Variants in CACHD1 observed in about 807,000 individuals in gnomAD.
The protein encoded by CACHD1 is VWFA and cache domain-containing protein 1.
In CACHD1, 71 loss-of-function variants were observed where a neutral mutation model predicts 138.7. That is an observed-to-expected ratio of 0.51 (90% confidence interval 0.42 to 0.62). The LOEUF (loss-of-function observed/expected upper bound fraction) is 0.62. Among genes scored for constraint, CACHD1 ranks in the 20% least tolerant of loss-of-function variants. CACHD1 has a pLI of 0.00. For synonymous variants in CACHD1, 578 were observed against 591.5 expected, an observed-to-expected ratio of 0.98 and a Z score of 0.33; for missense variants, 1,389 against 1,625.3, an observed-to-expected ratio of 0.85 and a Z score of 2.50.
chr1:64,606,824 T>C (rs1570411502), intron 4 of CACHD1, among the ~76,000 whole-genome samples: 1 of 152,092 alleles, frequency 6.6e-6, no homozygotes. Flanking sequence ...GTGGGCAGGG[T>C]AGGGGACCAG....
chr1:64,678,354 A>G lies in CACHD1; in HGVS notation c.3244+44A>G, dbSNP rs370873725. On this transcript the variant is annotated intron_variant, in intron 23 of 26. Coordinates refer to ENST00000651257, the MANE Select transcript of CACHD1 (RefSeq NM_020925.4). Reference sequence around the variant, plus strand: ...CCAACAATTTGATTCTTGAATATACAATTTCCTGCCTATATGCTAGGACAT... The same window carrying G: ...CCAACAATTTGATTCTTGAATATACGATTTCCTGCCTATATGCTAGGACAT... 1.6e-5 allele frequency: 24 copies of G among 1,505,364 alleles called. No homozygotes were observed. The African/African-American group carries it at 2.3e-4, about 14-fold the overall frequency. 93.3% of individuals were successfully genotyped at this position (1,505,364 alleles called of 1,614,324 possible). A position where few individuals can be genotyped will look rare whatever the true frequency, so the allele number is the denominator to read the frequency against.
chr1:64,657,271 T>A (rs559162843), intron 12 of CACHD1, among the ~76,000 whole-genome samples: 1 of 152,340 alleles, frequency 6.6e-6, no homozygotes, highest in African/African-American at 2.4e-5. Context: ...TTCCTTTTAA[T>A]GTAGAGACTA....
intron 25 of CACHD1, among the ~76,000 whole-genome samples, chr1:64,681,541 G>GTGTTTTTTT (rs1650182277): frequency 1.5e-5 from 1 of 68,132 alleles, no homozygotes; most frequent in African/African-American, 7.3e-5. Flanking sequence ...ATTTTATTGT[G>GTGTTTTTTT]TTTTTTTTTT....
At chr1:64,655,695 G>T (rs148787161) in intron 12 of CACHD1, among the ~76,000 whole-genome samples, 332 of 152,258 alleles carry the variant, frequency 2.2e-3, no homozygotes, top group South Asian at 5.0e-3. Flanking sequence ...AACACACACT[G>T]TTCATGTTAC....
intron 2 of CACHD1, among the ~76,000 whole-genome samples, chr1:64,572,043 T>G (rs1646930894): frequency 6.6e-6 from 1 of 152,232 alleles, no homozygotes; most frequent in African/African-American, 2.4e-5. Flanking sequence ...TGACTGGGTT[T>G]GCTTTTCTTT....
chr1:64,657,670 A>G lies in CACHD1; in HGVS notation c.1783-1035A>G, dbSNP rs77753708. On this transcript the variant is annotated intron_variant, in intron 12 of 26. Transcript: ENST00000651257. ...AAATTGCTTCTGTGTTTAAGAGTCT[A>G]CAACCATCCTCACAAATCCTAAATT... 1.0e-3 allele frequency among the ~76,000 whole-genome samples: 152 copies of G among 152,326 alleles called. 1 individual carries two copies. Among genetic ancestry groups the G allele is most frequent in the African/African-American group, 3.5e-3 (146 of 41,588 alleles).
intron 25 of CACHD1, among the ~76,000 whole-genome samples, chr1:64,681,541 GTTTTTT>G (rs57993424): frequency 2.9e-5 from 2 of 68,146 alleles, no homozygotes; most frequent in South Asian, 6.3e-4. Flanking sequence ...ATTTTATTGT[GTTTTTT>G]TTTTTTTTTT....
intron 2 of CACHD1, among the ~76,000 whole-genome samples, chr1:64,574,382 G>C (rs1646950259): frequency 6.6e-6 from 1 of 152,102 alleles, no homozygotes; most frequent in South Asian, 2.1e-4. Flanking sequence ...ACAAGAGTAA[G>C]GTCATTATTA....
intron 7 of CACHD1, among the ~76,000 whole-genome samples, chr1:64,636,644 G>A (rs1391300579): frequency 1.3e-5 from 2 of 152,160 alleles, no homozygotes; most frequent in Non-Finnish European, 2.9e-5. Context: ...GCCAATAGAA[G>A]AGCATCTCTT....
intron 1 of CACHD1, among the ~76,000 whole-genome samples, chr1:64,518,286 A>G (rs903690246): frequency 2.3e-5 from 2 of 85,302 alleles, no homozygotes; most frequent in East Asian, 4.3e-4. Flanking sequence ...GTGAAAATCA[A>G]TGACTTTTTT....
chr1:64,659,583 T>C lies in CACHD1; in HGVS notation c.1951+710T>C, dbSNP rs190325394. On this transcript the variant is annotated intron_variant, in intron 13 of 26. Coordinates refer to ENST00000651257, the MANE Select transcript of CACHD1 (RefSeq NM_020925.4). ...CACCTGAGTTGACATGTGATTGATT[T>C]GGGTTTACCAAAGATAATTTTCCCC... 2.0e-5 allele frequency among the ~76,000 whole-genome samples: 3 copies of C among 152,364 alleles called. No individual in the cohort carries two copies. The East Asian group carries it at 5.8e-4, about 29-fold the overall frequency.
At chr1:64,495,953 G>A (rs1646304247) in intron 1 of CACHD1, among the ~76,000 whole-genome samples, 1 of 152,114 alleles carries the variant, frequency 6.6e-6, no homozygotes, top group Admixed American at 6.5e-5. Context: ...TGGGACCTTG[G>A]TAGCTATATT....
At chr1:64,530,795 CAGG>C (rs777858101) in intron 1 of CACHD1, among the ~76,000 whole-genome samples, 2 of 151,320 alleles carry the variant, frequency 1.3e-5, no homozygotes, top group Non-Finnish European at 2.9e-5. Context: ...CACTTGAACC[CAGG>C]AGGTGGAGGT....
Position 64,676,992 on chromosome 1 carries a change from A to C in CACHD1, c.3073A>C (p.Ser1025Arg). The C allele has an allele frequency of 3.7e-6, 6 of 1,613,668 alleles. No homozygotes were observed. Among genetic ancestry groups the C allele is most frequent in the Non-Finnish European group, 5.1e-6 (6 of 1,179,712 alleles). The change falls in exon 22 of 27, where the codon AGT becomes CGT. Residue 1025 changes from serine (S) to arginine (R), a missense_variant. This residue lies in a region of CACHD1 where 250 missense variants were observed against 292.9 expected (regional missense o/e 0.85). Coordinates refer to ENST00000651257, the MANE Select transcript of CACHD1 (RefSeq NM_020925.4). ...ALHQCVNSRC[S>R]QRLESGDCFG... ...TCACCAGTGTGTCAACAGCAGGTGCAGTCAGAGGCTGGAAAGTGGGTAAGC... is the reference window on the plus strand; with the variant it reads ...TCACCAGTGTGTCAACAGCAGGTGCCGTCAGAGGCTGGAAAGTGGGTAAGC...
At position 64,653,878 on chromosome 1, in the gene CACHD1, T is replaced by C; in HGVS notation, c.1661T>C (p.Leu554Pro). Residue 554 changes from leucine (L) to proline (P), a missense_variant, in exon 11 of 27, where the codon CTA becomes CCA. This residue lies in a region of CACHD1 where 1,000 missense variants were observed against 1,114.7 expected (regional missense o/e 0.90). Transcript: ENST00000651257. ...TTTGAATTAGTTCGGCAAAATATCC[T>C]AAGGTAAGGAAAAGGTGAGGGTCAT... Reference protein sequence around the residue: ...PKFELVRQNILSLPLGSQIIA... With the variant: ...PKFELVRQNIPSLPLGSQIIA... 6.2e-7 allele frequency: 1 copy of C among 1,612,610 alleles called. No homozygotes were observed. The highest frequency in any genetic ancestry group is 8.5e-7 in the Non-Finnish European group (1 of 1,179,370).
At chr1:64,547,847 G>T (rs1005977100) in intron 1 of CACHD1, among the ~76,000 whole-genome samples, 2 of 152,202 alleles carry the variant, frequency 1.3e-5, no homozygotes, top group African/African-American at 4.8e-5. Flanking sequence ...TTTGGTGATA[G>T]CCCCGAACTA....
At position 64,675,541 on chromosome 1, in the gene CACHD1, A is replaced by G. The variant is rs772406135; in HGVS notation, c.2868A>G (p.Arg956=). 1.4e-5 allele frequency: 23 copies of G among 1,610,260 alleles called. No homozygotes were observed. The East Asian group carries it at 5.1e-4, about 36-fold the overall frequency. ...LAFCACSMVD[R]LCLNCHRMEQ... ...TCTGTGCCTGCAGCATGGTGGACCG[A>G]CTCTGTCTCAACTGTCACCGGTAAA... The change falls in exon 20 of 27, where the codon CGA becomes CGG. Residue 956 remains arginine, a synonymous_variant. Coordinates refer to ENST00000651257, the MANE Select transcript of CACHD1 (RefSeq NM_020925.4).
At chr1:64,562,856 TG>T (rs1188717435) in intron 2 of CACHD1, among the ~76,000 whole-genome samples, 1 of 152,222 alleles carries the variant, frequency 6.6e-6, no homozygotes, top group East Asian at 1.9e-4. Flanking sequence ...CATCTAAAAA[TG>T]GTTTGAGGTT....
chr1:64,496,947 C>T (rs1646309893), intron 1 of CACHD1, among the ~76,000 whole-genome samples: 1 of 150,428 alleles, frequency 6.6e-6, no homozygotes, highest in South Asian at 2.1e-4. Context: ...ATGGAGAGAA[C>T]ATTTTCAAGA....
Sources: gnomAD v4.1 joint callset for allele counts (sites outside exome capture counted in the v4.1 genomes callset) on GRCh38, gnomAD v4.1.1 for gene constraint, gnomAD v4.1.1 regional missense constraint, MANE v1.5 for transcripts, NCBI Gene and HGNC (gene_info 2026-07-23, HGNC 2026-07-21) for gene names.